Variants in ASAH1 observed in about 807,000 individuals in gnomAD.
The protein encoded by ASAH1 is N-acylsphingosine amidohydrolase 1, also known as acid ceramidase.
Under a neutral mutation model 59.5 loss-of-function variants are expected in ASAH1, and 70 were observed. The ratio of observed to expected loss-of-function variants is 1.18; its 90% CI spans 0.97 to 1.43. The LOEUF (loss-of-function observed/expected upper bound fraction) is 1.43. Among genes scored for constraint, ASAH1 ranks in the 40% most tolerant of loss-of-function variants. The pLI, the probability that ASAH1 is intolerant of heterozygous loss-of-function variation, is 0.00. For missense variants in ASAH1, 660 were observed against 482.5 expected, an observed-to-expected ratio of 1.37 and a Z score of -3.45; for synonymous variants, 213 against 166.5, an observed-to-expected ratio of 1.28 and a Z score of -2.15.
rs2117010283 is a variant in ASAH1 at position 18,057,402 on chromosome 8, G to A, written c.*132C>T. 3.2e-6 allele frequency: 2 copies of A among 618,218 alleles called. No individual in the cohort carries two copies. The highest frequency in any genetic ancestry group is 1.8e-5 in the African/African-American group (1 of 54,518). 38.3% of individuals were successfully genotyped at this position (618,218 alleles called of 1,614,324 possible). ...TGTCATTTGTCAACAGATGGACGAA[G>A]ACAAGCTATTGACTCAAAGAGAACC... On this transcript the variant is annotated 3_prime_UTR_variant, in exon 14 of 14. Coordinates refer to ENST00000637790, the MANE Select transcript of ASAH1 (RefSeq NM_177924.5).
chr8:18,073,341 A>C, intron 2 of ASAH1: 1 of 1,407,238 alleles, frequency 7.1e-7, no homozygotes, highest in Non-Finnish European at 9.8e-7. Flanking sequence ...AACAGTAGTC[A>C]TCACAATTTA....
rs759594722 is a variant in ASAH1, at chr8:18,057,582, T to G, written c.1140A>C (p.Gln380His). Residue 380 changes from glutamine (Q) to histidine (H), a missense_variant, in exon 14 of 14, where the codon CAA becomes CAC. Gln to His is a conservative substitution (Grantham distance 24). Transcript: ENST00000637790. The part of the protein sequence containing the change: ...YTTLIDVTKG[Q>H]FETYLRDCPD... ...GGCAGTCCCGCAGGTAAGTTTCGAA[T>G]TGACCTTTGGTAACATCTATCAAGG... 6.2e-7 allele frequency: 1 copy of G among 1,605,028 alleles called. No individual in the cohort carries two copies. The highest frequency in any genetic ancestry group is 8.5e-7 in the Non-Finnish European group (1 of 1,174,070).
At position 18,067,232 on chromosome 8, in the gene ASAH1, C is replaced by A; in HGVS notation, c.370G>T (p.Asp124Tyr). 6.3e-7 allele frequency: 1 copy of A among 1,594,100 alleles called. No homozygotes were observed. Among genetic ancestry groups the A allele is most frequent in the Non-Finnish European group, 8.6e-7 (1 of 1,167,862 alleles). The change falls in exon 5 of 14, where the codon GAT (aspartate) becomes TAT (tyrosine). Residue 124 changes from aspartate to tyrosine, a missense_variant. Physicochemically the swap from Asp to Tyr is radical, Grantham distance 160. Coordinates refer to ENST00000637790, the MANE Select transcript of ASAH1 (RefSeq NM_177924.5). Reference protein sequence around the residue: ...EEMKGIAAVTDIPLGEIISFN... With the variant: ...EEMKGIAAVTYIPLGEIISFN... Reference sequence around the variant, plus strand: ...AAGTGAACTTTACCTAAAGGTATATCAGTAACAGCGGCAATACCCTTCATT... The same window carrying A: ...AAGTGAACTTTACCTAAAGGTATATAAGTAACAGCGGCAATACCCTTCATT...
intron 2 of ASAH1, 90 bp from the exon 3 acceptor site, chr8:18,071,480 A>C: frequency 1.1e-6 from 1 of 905,362 alleles, no homozygotes; most frequent in Non-Finnish European, 1.7e-6. Context: ...TGAGAGGCAA[A>C]GTCTTAACAG....
chr8:18,071,253 T>TAAAAA lies in ASAH1; in HGVS notation c.216+42_216+46dup, dbSNP rs138422571. The TAAAAA allele has an allele frequency of 4.4e-4, 446 of 1,010,936 alleles. 2 individuals carry two copies. The highest frequency in any genetic ancestry group is 5.7e-4 in the Non-Finnish European group (428 of 755,832). The allele number at this position is 1,010,936 out of a possible 1,614,324, so 62.6% of individuals were successfully genotyped here. A position where few individuals can be genotyped will look rare whatever the true frequency, so the allele number is the denominator to read the frequency against. On this transcript the variant is annotated intron_variant, in intron 3 of 13. Transcript: ENST00000637790. ...AATAAATAAAAATAAAGAAATAAAA[T>TAAAAA]AAAAAATAAAAATAAAGAAATAAAA...
chr8:18,075,971 G>A, intron 1 of ASAH1: 1 of 305,204 alleles, frequency 3.3e-6, no homozygotes, highest in Non-Finnish European at 6.3e-6. Context: ...GTTGCAACCT[G>A]TCCTGGGATT....
rs544161198 is a variant in ASAH1, at chr8:18,078,813, C to T, written c.79-3226G>A. ...TGTGGTCTGGATGGTATACTATGTA[C>T]ACCCTATCACAGGAAACAAAATCCA... On this transcript the variant is annotated intron_variant, in intron 1 of 13. Transcript: ENST00000637790. Among the ~76,000 whole-genome samples the T allele has an allele frequency of 2.0e-5, 3 of 152,206 alleles. No individual in the cohort carries two copies. In the South Asian group the frequency reaches 6.2e-4, roughly 32 times the overall value.
chr8:18,081,173 G>A (rs915078074), intron 1 of ASAH1, among the ~76,000 whole-genome samples: 7 of 151,788 alleles, frequency 4.6e-5, no homozygotes, highest in Non-Finnish European at 1.0e-4. Flanking sequence ...GCCACCATTC[G>A]CCCAGCGAAG....
chr8:18,084,134 GC>G, upstream of ASAH1: 2 of 1,576,132 alleles, frequency 1.3e-6, no homozygotes, highest in South Asian at 1.1e-5. Flanking sequence ...GGCAGGCCAC[GC>G]CCCCTCCGCC....
intron 10 of ASAH1, 83 bp downstream of exon 10, chr8:18,061,294 G>A: frequency 8.2e-7 from 1 of 1,220,958 alleles, no homozygotes; most frequent in Non-Finnish European, 1.2e-6. Flanking sequence ...AAAGGATTAA[G>A]CTGGAGCTTG....
At chr8:18,059,764 ATTTATT>A in intron 10 of ASAH1, 61 bp from the exon 11 acceptor site, 1 of 1,466,246 alleles carries the variant, frequency 6.8e-7, no homozygotes, top group Non-Finnish European at 9.3e-7. Context: ...AAATAACTTC[ATTTATT>A]TTTAAATTTT....
In ASAH1 at chr8:18,075,001, C is replaced by CTTTTTTTTTTTTTTT. The variant is rs769278694; in HGVS notation, c.125+539_125+540insAAAAAAAAAAAAAAA. The stretch of plus-strand genomic sequence containing the variant: ...ATTGAGTGGAGAATGAAAATCCTTT[C>CTTTTTTTTTTTTTTT]CTTTTTTTTTTTGAGACAGAGTCTC... On this transcript the variant is annotated intron_variant, in intron 2 of 13. Coordinates refer to ENST00000637790, the MANE Select transcript of ASAH1 (RefSeq NM_177924.5). Among the ~76,000 whole-genome samples, 696 of 148,348 alleles carry CTTTTTTTTTTTTTTT rather than the reference C, an allele frequency of 4.7e-3. 15 individuals are homozygous for CTTTTTTTTTTTTTTT. The highest frequency in any genetic ancestry group is 7.9e-3 in the African/African-American group (318 of 40,130).
In ASAH1 at chr8:18,069,878, G is replaced by T; in HGVS notation, c.217C>A (p.Leu73Ile). ...HELMLDKAPV[L>I]KVIVNSLKNM... is the part of the protein sequence containing the mutation. ...TTCAGAGAATTCACTATAACCTTTA[G>T]CTGAAAAATAAATAAAATGCTTACT... The change falls in exon 4 of 14, where the codon CTA (leucine) becomes ATA (isoleucine). Residue 73 changes from leucine to isoleucine, a missense_variant and splice_region_variant. Coordinates refer to ENST00000637790, the MANE Select transcript of ASAH1 (RefSeq NM_177924.5). 1 of 1,571,234 alleles carries T rather than the reference G, an allele frequency of 6.4e-7. No individual in the cohort carries two copies. Among genetic ancestry groups the T allele is most frequent in the Non-Finnish European group, 8.7e-7 (1 of 1,145,886 alleles).
In ASAH1 at chr8:18,056,799, G is replaced by C. The variant is rs1186209532; in HGVS notation, c.*735C>G. The C allele has an allele frequency of 6.7e-6, 1 of 148,928 alleles. No homozygotes were observed. The highest frequency in any genetic ancestry group is 1.5e-5 in the Non-Finnish European group (1 of 67,964). The allele number at this position is 148,928 out of a possible 1,614,324, so 9.2% of individuals were successfully genotyped here. A position where few individuals can be genotyped will look rare whatever the true frequency, so the allele number is the denominator to read the frequency against. On this transcript the variant is annotated 3_prime_UTR_variant, in exon 14 of 14. Transcript: ENST00000637790. ...TTATTTACTAAATTAACAGAACGTG[G>C]GATGCAGTTTTTTAAGTTAGCAACT...
intron 4 of ASAH1, among the ~76,000 whole-genome samples, chr8:18,068,997 TG>T (rs1800046699): frequency 6.6e-6 from 1 of 151,880 alleles, no homozygotes; most frequent in South Asian, 2.1e-4. Context: ...GAAAAGTAGC[TG>T]GGTGTGGCGG....
chr8:18,061,253 G>C (rs1799686044), intron 10 of ASAH1, 124 bp downstream of exon 10: 2 of 795,732 alleles, frequency 2.5e-6, no homozygotes, highest in African/African-American at 1.7e-5. Flanking sequence ...AGTGTCAGAG[G>C]TTCACCTAAG....
Position 18,062,961 on chromosome 8 carries a change from C to T in ASAH1, c.503+224G>A, listed in dbSNP as rs186254533. 1.0e-3 allele frequency: 504 copies of T among 505,710 alleles called. 3 individuals are homozygous for T. Among genetic ancestry groups the T allele is most frequent in the African/African-American group, 9.0e-3 (451 of 50,382 alleles). The allele number at this position is 505,710 out of a possible 1,614,324, so 31.3% of individuals were successfully genotyped here. A position where few individuals can be genotyped will look rare whatever the true frequency, so the allele number is the denominator to read the frequency against. The stretch of plus-strand genomic sequence containing the variant: ...TCTCGGCTCACTGCAACCTCCGCCT[C>T]GCAGGTTCAAAAAAGTCTCTGCCTC... On this transcript the variant is annotated intron_variant, in intron 7 of 13. Coordinates refer to ENST00000637790, the MANE Select transcript of ASAH1 (RefSeq NM_177924.5).
At chr8:18,062,795 G>A (rs1466904184) in intron 7 of ASAH1, 1 of 374,592 alleles carries the variant, frequency 2.7e-6, no homozygotes, top group Non-Finnish European at 5.0e-6. Context: ...CACATTTTGG[G>A]TGTGACTTGG....
chr8:18,084,753 C>G (rs1800825322), upstream of ASAH1: 1 of 1,613,552 alleles, frequency 6.2e-7, no homozygotes, highest in Non-Finnish European at 8.5e-7. Context: ...GGGTAGGAGG[C>G]CCGGTGGGAC....
Sources: allele counts gnomAD v4.1 joint callset (sites outside exome capture counted in the v4.1 genomes callset), GRCh38; gene constraint gnomAD v4.1.1; transcripts MANE v1.5; gene names NCBI Gene and HGNC (gene_info 2026-07-23, HGNC 2026-07-21).